Variants in ZZZ3 observed in about 807,000 individuals in gnomAD.
The protein encoded by ZZZ3 is zinc finger ZZ-type containing 3.
A neutral mutation model predicts 95.2 loss-of-function variants in ZZZ3; 22 were observed. The observed-to-expected ratio is 0.23, with a 90% CI of 0.17 to 0.33. The LOEUF (loss-of-function observed/expected upper bound fraction) is 0.33. ZZZ3 is among the 10% of genes least tolerant of loss of function. The probability of loss-of-function intolerance (pLI) is 1.00; values close to 1 mark genes in which losing one functional copy is unlikely to be tolerated. For missense variants in ZZZ3, 885 were observed against 1,066.5 expected (o/e 0.83, Z 2.37); for synonymous variants, 335 against 358.9 (o/e 0.93, Z 0.75).
intron 5 of ZZZ3, among the ~76,000 whole-genome samples, chr1:77,622,136 C>CAAA (rs58597820): frequency 2.3e-4 from 19 of 81,824 alleles, no homozygotes; most frequent in African/African-American, 7.1e-4. Context: ...CTTGTCTCCA[C>CAAA]AAAAAAAAAA....
At chr1:77,602,899 G>A (rs935920613) in intron 5 of ZZZ3, among the ~76,000 whole-genome samples, 2 of 151,736 alleles carry the variant, frequency 1.3e-5, no homozygotes, top group Admixed American at 6.6e-5. Context: ...CACCACGCTC[G>A]GCTACATGAG....
intron 1 of ZZZ3, among the ~76,000 whole-genome samples, chr1:77,675,479 G>A (rs17100916): frequency 0.067 from 10,159 of 152,202 alleles, 411 homozygotes; most frequent in East Asian, 0.18. Flanking sequence ...AGGAAAAAAA[G>A]GTGTTAAGTT....
intron 11 of ZZZ3, 42 bp from the exon 12 acceptor site, chr1:77,576,262 CA>C (rs1557691355): frequency 3.4e-6 from 5 of 1,492,332 alleles, no homozygotes; most frequent in Non-Finnish European, 4.5e-6. Flanking sequence ...AGTGAAAAAT[CA>C]TTACAAGAAT....
intron 5 of ZZZ3, among the ~76,000 whole-genome samples, chr1:77,594,238 C>A (rs933264482): frequency 6.6e-6 from 1 of 152,070 alleles, no homozygotes; most frequent in African/African-American, 2.4e-5. Context: ...GGCATAATAA[C>A]TTTTCTCTCA....
intron 1 of ZZZ3, among the ~76,000 whole-genome samples, chr1:77,672,486 C>T (rs1671873469): frequency 6.6e-6 from 1 of 152,106 alleles, no homozygotes; most frequent in South Asian, 2.1e-4. Context: ...GGGTTTTTGT[C>T]TGTTCATTTT....
chr1:77,641,328 G>C (rs926499364), intron 3 of ZZZ3, 56 bp downstream of exon 3: 1 of 375,850 alleles, frequency 2.7e-6, no homozygotes, highest in Non-Finnish European at 4.7e-6. Flanking sequence ...TATCCACTAC[G>C]ATATTTAGCA....
intron 5 of ZZZ3, among the ~76,000 whole-genome samples, chr1:77,600,334 T>C (rs914843432): frequency 1.3e-5 from 2 of 152,192 alleles, no homozygotes; most frequent in African/African-American, 4.8e-5. Context: ...ATTTCACCCA[T>C]TTATTCATTA....
At position 77,632,645 on chromosome 1, in the gene ZZZ3, T is replaced by A. The variant is rs1667916092; in HGVS notation, c.710A>T (p.Lys237Ile). ...CGTATCCCCATTTTCAGCTACTGAT[T>A]TTTCCTGTAACACATAGGAACCAAT... Reference protein sequence around the residue: ...NSIGSYVLQEKSVAENGDTDT... With the variant: ...NSIGSYVLQEISVAENGDTDT... Residue 237 changes from lysine to isoleucine, a missense_variant, in exon 5 of 15, where the codon AAA (lysine) becomes ATA (isoleucine). Transcript: ENST00000370801. 1 of 1,614,074 alleles carries A rather than the reference T, an allele frequency of 6.2e-7. No homozygotes were observed. Among genetic ancestry groups the A allele is most frequent in the South Asian group, 1.1e-5 (1 of 91,076 alleles).
At chr1:77,620,045 A>G (rs962014801) in intron 5 of ZZZ3, among the ~76,000 whole-genome samples, 11 of 152,184 alleles carry the variant, frequency 7.2e-5, no homozygotes, top group Non-Finnish European at 4.4e-5. Context: ...ACAGGCAATT[A>G]TAACTACAAC....
intron 1 of ZZZ3, among the ~76,000 whole-genome samples, chr1:77,655,447 G>C (rs1332924763): frequency 6.6e-6 from 1 of 152,166 alleles, no homozygotes; most frequent in African/African-American, 2.4e-5. Flanking sequence ...GCCATGTGAA[G>C]ACACAGTGAG....
intron 4 of ZZZ3, among the ~76,000 whole-genome samples, chr1:77,636,394 T>C (rs1397010031): frequency 6.6e-6 from 1 of 152,144 alleles, no homozygotes. Context: ...AACCTTTTTT[T>C]TATACATATA....
intron 1 of ZZZ3, among the ~76,000 whole-genome samples, chr1:77,644,821 G>A (rs1415916635): frequency 1.3e-5 from 2 of 152,210 alleles, no homozygotes; most frequent in Non-Finnish European, 1.5e-5. Context: ...AAGGCCTGAA[G>A]ACAAATGCAT....
intron 5 of ZZZ3, among the ~76,000 whole-genome samples, chr1:77,600,929 TTCAG>T (rs1452798389): frequency 6.6e-6 from 1 of 152,204 alleles, no homozygotes; most frequent in Admixed American, 6.5e-5. Context: ...AACCTGAGTT[TTCAG>T]TCAGACTAGG....
chr1:77,651,344 A>G (rs1056702992), intron 1 of ZZZ3, among the ~76,000 whole-genome samples: 2 of 152,194 alleles, frequency 1.3e-5, no homozygotes, highest in Non-Finnish European at 2.9e-5. Flanking sequence ...ACGCCACTGC[A>G]CCCCAGCGTG....
At chr1:77,620,329 G>A (rs1666723453) in intron 5 of ZZZ3, among the ~76,000 whole-genome samples, 2 of 152,170 alleles carry the variant, frequency 1.3e-5, no homozygotes, top group Admixed American at 6.5e-5. Context: ...ATTTTAAAGA[G>A]TCGATTTTAT....
intron 5 of ZZZ3, among the ~76,000 whole-genome samples, chr1:77,599,130 A>G (rs998514682): frequency 1.1e-4 from 17 of 152,080 alleles, no homozygotes; most frequent in Non-Finnish European, 2.1e-4. Context: ...GAGTATTTAA[A>G]TAAATAAATA....
At chr1:77,580,206 G>A (rs938054717) in intron 9 of ZZZ3, 1 of 152,276 alleles carries the variant, frequency 6.6e-6, no homozygotes, top group South Asian at 2.1e-4. Flanking sequence ...TTTATAAACT[G>A]TTAAATGTAT....
At chr1:77,629,203 G>A (rs1667576828) in intron 5 of ZZZ3, among the ~76,000 whole-genome samples, 1 of 152,070 alleles carries the variant, frequency 6.6e-6, no homozygotes, top group Non-Finnish European at 1.5e-5. Flanking sequence ...GATTAGATCT[G>A]ACATGATCAA....
intron 10 of ZZZ3, 42 bp from the exon 11 acceptor site, chr1:77,578,911 T>C: frequency 1.5e-6 from 2 of 1,299,056 alleles, no homozygotes; most frequent in Non-Finnish European, 2.1e-6. Context: ...TGAGATGACA[T>C]ACAATACCTG....
Sources: allele counts gnomAD v4.1 joint callset (sites outside exome capture counted in the v4.1 genomes callset), GRCh38; gene constraint gnomAD v4.1.1; transcripts MANE v1.5; gene names NCBI Gene and HGNC (gene_info 2026-07-23, HGNC 2026-07-21).